Variants in LGSN observed in about 807,000 individuals in gnomAD.
The protein encoded by LGSN is lengsin, lens protein with glutamine synthetase domain, also known as lengsin.
In LGSN, 21 loss-of-function variants were observed where a neutral mutation model predicts 19.5. The observed-to-expected ratio is 1.07, with a 90% CI of 0.76 to 1.55. LGSN has a LOEUF of 1.55. Ranked by LOEUF, LGSN falls within the 40% of genes most tolerant of loss-of-function variation. LGSN has a pLI of 0.00. For missense variants in LGSN, 673 were observed against 608.5 expected (o/e 1.11, Z -1.12); for synonymous variants, 257 against 215.6 (o/e 1.19, Z -1.68).
intron 1 of LGSN, among the ~76,000 whole-genome samples, chr6:63,302,309 A>G (rs1034386356): frequency 3.9e-5 from 6 of 152,216 alleles, no homozygotes; most frequent in South Asian, 4.1e-4. Flanking sequence ...ATCTTTAACC[A>G]TAACCATTTT....
At chr6:63,448,721 T>A in the LGSN span, among the ~76,000 whole-genome samples, 1 of 152,158 alleles carries the variant, frequency 6.6e-6, no homozygotes, top group Non-Finnish European at 1.5e-5. Flanking sequence ...TTTTTCTTCT[T>A]TTTTTTCATT....
the LGSN span, chr6:63,395,021 G>C: frequency 6.3e-6 from 1 of 157,674 alleles, no homozygotes; most frequent in Non-Finnish European, 1.4e-5. Flanking sequence ...CCATGCACTT[G>C]AGGCCTGGGT....
the LGSN span, among the ~76,000 whole-genome samples, chr6:63,341,706 A>G: frequency 6.6e-6 from 1 of 152,040 alleles, no homozygotes; most frequent in Admixed American, 6.5e-5. Context: ...GACATTTGAG[A>G]ATGTCAGTGG....
At chr6:63,462,520 C>T in the LGSN span, among the ~76,000 whole-genome samples, 1 of 152,264 alleles carries the variant, frequency 6.6e-6, no homozygotes, top group East Asian at 1.9e-4. Context: ...GCCTGTAGTC[C>T]CAGCTACTTG....
At chr6:63,551,452 T>C in the LGSN span, among the ~76,000 whole-genome samples, 1 of 152,230 alleles carries the variant, frequency 6.6e-6, no homozygotes, top group South Asian at 2.1e-4. Flanking sequence ...AAATAGTCAC[T>C]ATATGCATTT....
At chr6:63,367,370 G>A in the LGSN span, among the ~76,000 whole-genome samples, 2 of 152,132 alleles carry the variant, frequency 1.3e-5, no homozygotes, top group Non-Finnish European at 2.9e-5. Flanking sequence ...TCAGAGAAAT[G>A]CAAATCAAAA....
At chr6:63,414,659 G>A in the LGSN span, among the ~76,000 whole-genome samples, 25 of 152,226 alleles carry the variant, frequency 1.6e-4, no homozygotes, top group African/African-American at 5.1e-4. Context: ...GCGCGATGGC[G>A]CGTGCCTGTA....
the LGSN span, among the ~76,000 whole-genome samples, chr6:63,543,028 A>C: frequency 6.6e-6 from 1 of 152,194 alleles, no homozygotes; most frequent in Non-Finnish European, 1.5e-5. Flanking sequence ...ACCCATCACA[A>C]CATTAATTAA....
the LGSN span, among the ~76,000 whole-genome samples, chr6:63,518,437 G>C: frequency 1.3e-5 from 2 of 152,020 alleles, no homozygotes; most frequent in Admixed American, 1.3e-4. Context: ...ACATCCCCAG[G>C]GCAAACAAAG....
the LGSN span, among the ~76,000 whole-genome samples, chr6:63,455,604 A>G: frequency 6.6e-6 from 1 of 151,916 alleles, no homozygotes; most frequent in Admixed American, 6.6e-5. Flanking sequence ...TAAATACAAA[A>G]TTAGGTGGGC....
chr6:63,484,671 G>T, the LGSN span, among the ~76,000 whole-genome samples: 1 of 152,206 alleles, frequency 6.6e-6, no homozygotes, highest in Non-Finnish European at 1.5e-5. Context: ...TCTAGTTTCA[G>T]ATTGGCACTG....
chr6:63,283,592 G>A lies in LGSN; in HGVS notation c.330+1995C>T, dbSNP rs187703796. On this transcript the variant is annotated intron_variant, in intron 3 of 3. Transcript: ENST00000370657. ...TTAAAACACCACACACACATGCAAT[G>A]TTTAGGTTACTTTGCACAAATGAAT... 2.7e-5 allele frequency among the ~76,000 whole-genome samples: 4 copies of A among 145,632 alleles called. No individual in the cohort carries two copies. The Admixed American group carries it at 2.8e-4, about 10-fold the overall frequency.
the LGSN span, among the ~76,000 whole-genome samples, chr6:63,359,918 A>G: frequency 3.3e-5 from 5 of 152,208 alleles, no homozygotes; most frequent in South Asian, 1.0e-3. Flanking sequence ...TCCTTCACTT[A>G]TGAAGCTTAC....
At chr6:63,482,335 T>C in the LGSN span, among the ~76,000 whole-genome samples, 1 of 152,160 alleles carries the variant, frequency 6.6e-6, no homozygotes, top group Non-Finnish European at 1.5e-5. Flanking sequence ...GTAAATCAAG[T>C]CTTCTTTCCA....
chr6:63,287,212 A>G (rs759230816), intron 2 of LGSN, among the ~76,000 whole-genome samples: 1 of 152,210 alleles, frequency 6.6e-6, no homozygotes, highest in Non-Finnish European at 1.5e-5. Context: ...TCACTGATAC[A>G]TTTGGCTACT....
chr6:63,350,825 C>G, the LGSN span, among the ~76,000 whole-genome samples: 27 of 151,630 alleles, frequency 1.8e-4, no homozygotes, highest in South Asian at 5.6e-3. Context: ...TCACTCCAGC[C>G]TGGGCCACAG....
the LGSN span, among the ~76,000 whole-genome samples, chr6:63,398,380 G>A: frequency 6.6e-6 from 1 of 151,988 alleles, no homozygotes; most frequent in South Asian, 2.1e-4. Context: ...TGATATTGAT[G>A]ACTCTGACCC....
At chr6:63,482,213 G>A in the LGSN span, among the ~76,000 whole-genome samples, 8 of 151,876 alleles carry the variant, frequency 5.3e-5, no homozygotes, top group African/African-American at 1.9e-4. Context: ...CATGTTGGAT[G>A]TAAGCTTCAT....
At chr6:63,503,311 C>T in the LGSN span, among the ~76,000 whole-genome samples, 1 of 152,144 alleles carries the variant, frequency 6.6e-6, no homozygotes, top group African/African-American at 2.4e-5. Flanking sequence ...GGCTCTAGTT[C>T]ATTTATGGAA....
Sources: gnomAD v4.1 joint callset for allele counts (sites outside exome capture counted in the v4.1 genomes callset) on GRCh38, gnomAD v4.1.1 for gene constraint, MANE v1.5 for transcripts, NCBI Gene and HGNC (gene_info 2026-07-23, HGNC 2026-07-21) for gene names.